Variants in ATG16L2 observed in about 807,000 individuals in gnomAD.
ATG16L2 encodes the protein protein Atg16l2.
In ATG16L2, 77 loss-of-function variants were observed where a neutral mutation model predicts 84.7. The ratio of observed to expected loss-of-function variants is 0.91; its 90% CI spans 0.76 to 1.10. The LOEUF is 1.10. Among genes scored for constraint, ATG16L2 ranks in the 50% least tolerant of loss-of-function variants. The pLI is 0.00. For synonymous variants in ATG16L2, 361 were observed against 342.8 expected, an observed-to-expected ratio of 1.05 and a Z score of -0.59; for missense variants, 782 against 817.6, an observed-to-expected ratio of 0.96 and a Z score of 0.53.
intron 13 of ATG16L2, 50 bp from the exon 14 acceptor site, chr11:72,827,138 C>A: frequency 1.4e-6 from 2 of 1,453,136 alleles, no homozygotes; most frequent in Non-Finnish European, 1.9e-6. Context: ...TGTGGGGTGG[C>A]TCCCGACAAC....
chr11:72,822,687 G>A lies in ATG16L2; in HGVS notation c.710+144G>A. The A allele has an allele frequency of 8.5e-7, 1 of 1,178,026 alleles. No individual in the cohort carries two copies. The highest frequency in any genetic ancestry group is 1.2e-6 in the Non-Finnish European group (1 of 834,324). 73.0% of individuals were successfully genotyped at this position (1,178,026 alleles called of 1,614,324 possible). ...TCGGAGCCCACGAGACACCTGCAGA[G>A]GACCGTGTGGTCGTAGGAGCCTGCA... On this transcript the variant is annotated intron_variant, in intron 6 of 17. Coordinates refer to ENST00000321297, the MANE Select transcript of ATG16L2 (RefSeq NM_033388.2). The surrounding 1 kb of genome is among the most constrained non-coding windows in gnomAD (Gnocchi z 4.2).
rs1370680653 is a variant in ATG16L2, at chr11:72,822,346, G to A, written c.644+51G>A. The A allele has an allele frequency of 1.3e-6, 2 of 1,544,496 alleles. No individual in the cohort carries two copies. The highest frequency in any genetic ancestry group is 1.7e-6 in the Non-Finnish European group (2 of 1,147,254). ...TGAGGAAAGGCCCCGCCCCTGCAGG[G>A]AGGAGTCGGGCCTCGCCGGTGTCTG... is the stretch of plus-strand genomic sequence containing the variant. On this transcript the variant is annotated intron_variant, in intron 5 of 17. Coordinates refer to ENST00000321297, the MANE Select transcript of ATG16L2 (RefSeq NM_033388.2). This position sits in a 1 kb window ranked among gnomAD's most constrained non-coding sequence, Gnocchi z 4.2.
At position 72,822,479 on chromosome 11, in the gene ATG16L2, G is replaced by T. The variant is rs1166980249; in HGVS notation, c.646G>T (p.Ala216Ser). The part of the protein sequence containing the change: ...RNLRNERRER[A>S]KQARVSQELK... The stretch of plus-strand genomic sequence containing the variant: ...TCAGGATGCTTTTTACCCAACAAGG[G>T]CCAAGCAGGCGCGGGTGTCCCAGGA... The change falls in exon 6 of 18, where the codon GCC becomes TCC. Residue 216 changes from alanine to serine, a missense_variant and splice_region_variant. Physicochemically the swap from Ala to Ser is moderately conservative, Grantham distance 99. Coordinates refer to ENST00000321297, the MANE Select transcript of ATG16L2 (RefSeq NM_033388.2). The surrounding 1 kb of genome is among the most constrained non-coding windows in gnomAD (Gnocchi z 4.2). 9 of 1,612,944 alleles carry T rather than the reference G, an allele frequency of 5.6e-6. No individual in the cohort carries two copies. The highest frequency in any genetic ancestry group is 7.6e-6 in the Non-Finnish European group (9 of 1,179,564).
downstream of ATG16L2, among the ~76,000 whole-genome samples, chr11:72,832,319 G>C (rs578127977): frequency 1.9e-4 from 29 of 152,278 alleles, no homozygotes; most frequent in South Asian, 1.7e-3. Context: ...CCATCGGGTG[G>C]AGTTGCCTCT....
Position 72,826,337 on chromosome 11 carries a change from A to G in ATG16L2, c.1173+94A>G, listed in dbSNP as rs1371917701. ...TGTGGGACCTGAGGGCGCAACATGG[A>G]TACCCTAGAACCAGGCCCCTGGGCT... On this transcript the variant is annotated intron_variant, in intron 11 of 17. Coordinates refer to ENST00000321297, the MANE Select transcript of ATG16L2 (RefSeq NM_033388.2). The G allele has an allele frequency of 2.0e-5, 29 of 1,461,192 alleles. No homozygotes were observed. In the Admixed American group the frequency reaches 4.8e-4, roughly 24 times the overall value. The allele number at this position is 1,461,192 out of a possible 1,614,324, so 90.5% of individuals were successfully genotyped here.
intron 3 of ATG16L2, 191 bp from the exon 4 acceptor site, chr11:72,821,477 C>T (rs1328875616): frequency 1.4e-6 from 2 of 1,403,808 alleles, no homozygotes; most frequent in African/African-American, 1.5e-5. Flanking sequence ...CTCCAGAGCC[C>T]GAGGGCCTTC....
chr11:72,824,824 C>G lies in ATG16L2; in HGVS notation c.978C>G (p.Thr326=). 1 of 1,596,192 alleles carries G rather than the reference C, an allele frequency of 6.3e-7. No homozygotes were observed. The highest frequency in any genetic ancestry group is 1.1e-5 in the South Asian group (1 of 88,148). The change falls in exon 9 of 18, where the codon ACC becomes ACG. Residue 326 remains threonine, a synonymous_variant. Coordinates refer to ENST00000321297, the MANE Select transcript of ATG16L2 (RefSeq NM_033388.2). ...TGTGTGTGGCTGCCCGACTTCCTAC[C>G]CGGGCTCAGGATGTGCTGGTAAGGG... ...IPVCVAARLP[T]RAQDVLDAHL...
chr11:72,821,006 G>C (rs1290195879), intron 3 of ATG16L2, among the ~76,000 whole-genome samples: 5 of 152,168 alleles, frequency 3.3e-5, no homozygotes, highest in Admixed American at 2.6e-4. Context: ...TCGCTGCTGA[G>C]ACCTGTGCTT....
chr11:72,814,434 G>A lies in ATG16L2; in HGVS notation c.-12G>A. Reference sequence around the variant, plus strand: ...GCGGGAGGAACGCGCCGCTAGGCGGGAGAGCGCGGCCATGGCGGGGCCGGG... The same window carrying A: ...GCGGGAGGAACGCGCCGCTAGGCGGAAGAGCGCGGCCATGGCGGGGCCGGG... On this transcript the variant is annotated 5_prime_UTR_variant, in exon 1 of 18. Coordinates refer to ENST00000321297, the MANE Select transcript of ATG16L2 (RefSeq NM_033388.2). 6.8e-7 allele frequency: 1 copy of A among 1,463,362 alleles called. No individual in the cohort carries two copies. Among genetic ancestry groups the A allele is most frequent in the Non-Finnish European group, 9.1e-7 (1 of 1,098,670 alleles). The allele number at this position is 1,463,362 out of a possible 1,614,324, so 90.6% of individuals were successfully genotyped here.
chr11:72,822,408 G>C lies in ATG16L2; in HGVS notation c.645-70G>C, dbSNP rs1860064659. On this transcript the variant is annotated intron_variant, in intron 5 of 17. Coordinates refer to ENST00000321297, the MANE Select transcript of ATG16L2 (RefSeq NM_033388.2). This position sits in a 1 kb window ranked among gnomAD's most constrained non-coding sequence, Gnocchi z 4.2. ...GGCAGCAGCCGCCCCCTGGAGGAAGGGACCGGGTCTAGCCCCGCCTGCGTG... is the reference window on the plus strand; with the variant it reads ...GGCAGCAGCCGCCCCCTGGAGGAAGCGACCGGGTCTAGCCCCGCCTGCGTG... The C allele has an allele frequency of 6.3e-7, 1 of 1,596,584 alleles. No homozygotes were observed. Among genetic ancestry groups the C allele is most frequent in the Admixed American group, 1.7e-5 (1 of 58,658 alleles).
At position 72,826,201 on chromosome 11, in the gene ATG16L2, G is replaced by T. The variant is rs752417065; in HGVS notation, c.1131G>T (p.Glu377Asp). Residue 377 changes from glutamate to aspartate, a missense_variant, in exon 11 of 18, where the codon GAG becomes GAT. Coordinates refer to ENST00000321297, the MANE Select transcript of ATG16L2 (RefSeq NM_033388.2). ...GCCTGGAGGCCAACCAGACCCTGGA[G>T]GGAGCTGGTGGCAGCATCACCAGTG... ...GSRLEANQTL[E>D]GAGGSITSVD... 1 of 1,613,808 alleles carries T rather than the reference G, an allele frequency of 6.2e-7. No homozygotes were observed. The highest frequency in any genetic ancestry group is 8.5e-7 in the Non-Finnish European group (1 of 1,179,892).
chr11:72,815,037 G>A (rs1859626174), intron 1 of ATG16L2, among the ~76,000 whole-genome samples: 1 of 152,216 alleles, frequency 6.6e-6, no homozygotes, highest in African/African-American at 2.4e-5. Context: ...CTCAGGCTCT[G>A]CCGCTGACAG....
chr11:72,821,305 G>A lies in ATG16L2; in HGVS notation c.319-363G>A. 3 of 1,042,782 alleles carry A rather than the reference G, an allele frequency of 2.9e-6. No individual in the cohort carries two copies. In the South Asian group the frequency reaches 1.0e-4, roughly 35 times the overall value. The allele number at this position is 1,042,782 out of a possible 1,614,324, so 64.6% of individuals were successfully genotyped here. On this transcript the variant is annotated intron_variant, in intron 3 of 17. Coordinates refer to ENST00000321297, the MANE Select transcript of ATG16L2 (RefSeq NM_033388.2). ...GCCGGATGGGCATTTGGCAGCCTCT[G>A]CGCGAGGAGTCCTCGCAGTGGTTAT...
chr11:72,825,244 G>A (rs1170518514), intron 9 of ATG16L2, 58 bp from the exon 10 acceptor site: 1 of 1,364,864 alleles, frequency 7.3e-7, no homozygotes, highest in Admixed American at 1.7e-5. Flanking sequence ...GGGCCCGTGA[G>A]CACTCACAGA....
downstream of ATG16L2, among the ~76,000 whole-genome samples, chr11:72,832,181 A>G (rs1433628714): frequency 6.6e-6 from 1 of 152,112 alleles, no homozygotes; most frequent in Non-Finnish European, 1.5e-5. Context: ...TGTAGTGGAG[A>G]CTGCTTAGAG....
intron 5 of ATG16L2, chr11:72,837,375 AAGTTTTTT>A (rs1402710117): frequency 1.3e-5 from 2 of 152,494 alleles, no homozygotes; most frequent in Non-Finnish European, 2.9e-5. Flanking sequence ...CGAGCATTTC[AAGTTTTTT>A]AAGATTCTTA....
exon 6 of ATG16L2, chr11:72,843,130 G>A (rs778762765): frequency 4.8e-5 from 78 of 1,611,878 alleles, no homozygotes; most frequent in Non-Finnish European, 6.5e-5. Context: ...CAAATAAAGA[G>A]TGCCTTGTTT....
intron 5 of ATG16L2, chr11:72,841,054 G>A: frequency 1.1e-6 from 1 of 913,480 alleles, no homozygotes; most frequent in South Asian, 1.4e-5. Context: ...TGTAATCCCA[G>A]CACTTTGGGA....
intron 14 of ATG16L2, among the ~76,000 whole-genome samples, chr11:72,827,968 C>T (rs578153401): frequency 1.3e-5 from 2 of 152,220 alleles, no homozygotes; most frequent in Admixed American, 6.5e-5. Context: ...CAAAACAAAA[C>T]AAAAAAACAA....
Sources: gnomAD v4.1 joint callset for allele counts (sites outside exome capture counted in the v4.1 genomes callset) on GRCh38, gnomAD v4.1.1 for gene constraint, Gnocchi (gnomAD v3.1) non-coding constraint, MANE v1.5 for transcripts, NCBI Gene and HGNC (gene_info 2026-07-23, HGNC 2026-07-21) for gene names.